RANBP17: variants seen among roughly 807,000 people sequenced by gnomAD.
RANBP17 encodes the protein RAN binding protein 17.
Under a neutral mutation model 141.2 loss-of-function variants are expected in RANBP17, and 158 were observed. The observed-to-expected ratio is 1.12, with a 90% CI of 0.98 to 1.28. The LOEUF (loss-of-function observed/expected upper bound fraction) is 1.28, where lower values mean the gene tolerates loss of function less well. RANBP17 is among the 50% of genes most tolerant of loss of function. The pLI is 0.00. For missense variants in RANBP17, 1,438 were observed against 1,290.7 expected (o/e 1.11, Z -1.75); for synonymous variants, 430 against 450.0 (o/e 0.96, Z 0.56).
At chr5:171,040,817 T>G (rs555792977) in intron 14 of RANBP17, among the ~76,000 whole-genome samples, 1 of 152,310 alleles carries the variant, frequency 6.6e-6, no homozygotes, top group Admixed American at 6.5e-5. Context: ...GCATTCTGCA[T>G]TAGTTATCTA....
At chr5:171,061,869 T>A (rs1257433101) in intron 14 of RANBP17, among the ~76,000 whole-genome samples, 1 of 152,158 alleles carries the variant, frequency 6.6e-6, no homozygotes, top group Non-Finnish European at 1.5e-5. Flanking sequence ...CATATATATT[T>A]AGGATAGCTC....
intron 14 of RANBP17, among the ~76,000 whole-genome samples, chr5:171,114,382 C>T (rs1298315368): frequency 6.6e-6 from 1 of 152,036 alleles, no homozygotes; most frequent in Non-Finnish European, 1.5e-5. Context: ...TTTGTATATT[C>T]TTTGACCCTG....
intron 24 of RANBP17, among the ~76,000 whole-genome samples, chr5:171,255,048 T>C (rs1416405188): frequency 6.6e-6 from 1 of 152,230 alleles, no homozygotes; most frequent in Non-Finnish European, 1.5e-5. Flanking sequence ...ATATTTAGTA[T>C]TTGTACTAAA....
At chr5:170,888,186 G>A (rs1581058281) in intron 3 of RANBP17, among the ~76,000 whole-genome samples, 1 of 152,092 alleles carries the variant, frequency 6.6e-6, no homozygotes, top group African/African-American at 2.4e-5. Context: ...ATGGTGTTCG[G>A]TATTGTGTTG....
At chr5:171,181,062 G>A (rs1760830187) in intron 16 of RANBP17, among the ~76,000 whole-genome samples, 1 of 152,174 alleles carries the variant, frequency 6.6e-6, no homozygotes, top group Non-Finnish European at 1.5e-5. Flanking sequence ...CAGTTTAACT[G>A]AGTGAAGTTT....
intron 12 of RANBP17, among the ~76,000 whole-genome samples, chr5:170,941,057 T>C (rs1774287522): frequency 1.3e-5 from 2 of 152,088 alleles, no homozygotes; most frequent in East Asian, 1.9e-4. Context: ...AATTTTAAAA[T>C]AGAGTTAACA....
intron 13 of RANBP17, among the ~76,000 whole-genome samples, chr5:170,957,515 T>G (rs1029905920): frequency 2.0e-5 from 3 of 152,212 alleles, no homozygotes; most frequent in African/African-American, 7.2e-5. Context: ...TGCTTAGGGA[T>G]GAAAAAATTT....
At chr5:171,210,360 C>T (rs1030660676) in intron 20 of RANBP17, among the ~76,000 whole-genome samples, 31 of 152,142 alleles carry the variant, frequency 2.0e-4, no homozygotes, top group Admixed American at 2.6e-4. Context: ...TTAGAATTGG[C>T]ACCACTCTCA....
intron 14 of RANBP17, among the ~76,000 whole-genome samples, chr5:171,106,150 A>G (rs967229821): frequency 1.3e-5 from 2 of 152,210 alleles, no homozygotes; most frequent in African/African-American, 4.8e-5. Flanking sequence ...AGAATCCTGT[A>G]CTCATTGGTG....
intron 25 of RANBP17, among the ~76,000 whole-genome samples, chr5:171,277,637 G>GTGTGTGTGTATATATATATATATATATA (rs1437482589): frequency 3.0e-4 from 17 of 56,920 alleles, no homozygotes; most frequent in African/African-American, 9.3e-4. Context: ...ATATATGTAT[G>GTGTGTGTGTATATATATATATATATATA]TATATATATA....
intron 19 of RANBP17, 89 bp from the exon 20 acceptor site, chr5:171,205,435 C>A: frequency 9.7e-7 from 1 of 1,033,548 alleles, no homozygotes; most frequent in Non-Finnish European, 1.5e-6. Context: ...GAATCAAAAT[C>A]AGATATGTGG....
At chr5:171,236,103 T>C (rs1247925549) in intron 22 of RANBP17, among the ~76,000 whole-genome samples, 1 of 152,198 alleles carries the variant, frequency 6.6e-6, no homozygotes, top group African/African-American at 2.4e-5. Context: ...ACCTTGCTGG[T>C]TTGCAGAGAG....
intron 14 of RANBP17, among the ~76,000 whole-genome samples, chr5:171,088,135 C>T (rs1172182187): frequency 2.0e-5 from 3 of 151,914 alleles, no homozygotes; most frequent in African/African-American, 2.4e-5. Flanking sequence ...GTGCTTCCTT[C>T]AGGAGCTCTT....
chr5:170,906,411 A>G (rs1337227973), intron 5 of RANBP17, among the ~76,000 whole-genome samples: 1 of 151,904 alleles, frequency 6.6e-6, no homozygotes, highest in Admixed American at 6.6e-5. Context: ...GCTTATGTGA[A>G]TTTGTCAGAA....
In RANBP17 at chr5:171,125,204, T is replaced by A. The variant is rs534414978; in HGVS notation, c.1711-44926T>A. 9.5e-4 allele frequency among the ~76,000 whole-genome samples: 140 copies of A among 147,120 alleles called. 1 individual carries two copies. The highest frequency in any genetic ancestry group is 2.8e-4 in the Non-Finnish European group (19 of 67,334). On this transcript the variant is annotated intron_variant, in intron 14 of 27. Coordinates refer to ENST00000523189, the MANE Select transcript of RANBP17 (RefSeq NM_022897.5). ...CCCACCTACTCGGGAGGCTGAGGCA[T>A]GAGAATCACTTGAACCCAGTAGGTG...
chr5:171,064,832 T>TTTTCTATAGGA (rs1392791368), intron 14 of RANBP17, among the ~76,000 whole-genome samples: 4 of 152,090 alleles, frequency 2.6e-5, no homozygotes, highest in Admixed American at 6.6e-5. Flanking sequence ...CCCTGCCCAT[T>TTTTCTATAGGA]TTTCTATAGG....
intron 14 of RANBP17, among the ~76,000 whole-genome samples, chr5:170,971,851 A>G (rs1777013119): frequency 6.6e-6 from 1 of 151,448 alleles, no homozygotes; most frequent in African/African-American, 2.4e-5. Flanking sequence ...TCCCCACTCC[A>G]CTCTATTTTC....
intron 15 of RANBP17, among the ~76,000 whole-genome samples, chr5:171,170,943 C>T (rs992591168): frequency 6.6e-6 from 1 of 152,032 alleles, no homozygotes; most frequent in Non-Finnish European, 1.5e-5. Context: ...TGATGTTTTC[C>T]AGTGAAACAC....
At chr5:171,147,380 TGG>T (rs1491199211) in intron 14 of RANBP17, among the ~76,000 whole-genome samples, 2 of 142,064 alleles carry the variant, frequency 1.4e-5, no homozygotes, top group Admixed American at 7.2e-5. Flanking sequence ...TGTGTGTGTG[TGG>T]TTGTTTGTTT....
Sources: gnomAD v4.1 joint callset for allele counts (sites outside exome capture counted in the v4.1 genomes callset) on GRCh38, gnomAD v4.1.1 for gene constraint, MANE v1.5 for transcripts, NCBI Gene and HGNC (gene_info 2026-07-23, HGNC 2026-07-21) for gene names.